The following TMEM266 variants were observed in gnomAD, a reference collection of about 807,000 sequenced individuals.
The protein encoded by TMEM266 is Hv1 related protein 1.
A neutral mutation model predicts 50.5 loss-of-function variants in TMEM266; 33 were observed. The ratio of observed to expected loss-of-function variants is 0.65; its 90% CI spans 0.50 to 0.87. The LOEUF (loss-of-function observed/expected upper bound fraction) is 0.87. Ranked by LOEUF, TMEM266 falls within the 40% of genes least tolerant of loss-of-function variation. The probability of loss-of-function intolerance (pLI) is 0.00; values close to 1 mark genes in which losing one functional copy is unlikely to be tolerated. For synonymous variants in TMEM266, 310 were observed against 292.3 expected (o/e 1.06, Z -0.62); for missense variants, 655 against 695.1 (o/e 0.94, Z 0.65).
chr15:76,180,579 C>T (rs1028125909), intron 8 of TMEM266, among the ~76,000 whole-genome samples: 2 of 138,634 alleles, frequency 1.4e-5, no homozygotes, highest in African/African-American at 5.2e-5. Context: ...CTCCACTGCA[C>T]AGTTACTCTC....
chr15:76,130,356 G>A (rs1429262903), intron 1 of TMEM266, among the ~76,000 whole-genome samples: 2 of 151,112 alleles, frequency 1.3e-5, no homozygotes, highest in African/African-American at 4.9e-5. Flanking sequence ...TGGCCAACAT[G>A]GTGAAACCCC....
chr15:76,096,347 C>T (rs747518086), intron 1 of TMEM266, among the ~76,000 whole-genome samples: 10 of 152,056 alleles, frequency 6.6e-5, no homozygotes, highest in African/African-American at 2.4e-4. Flanking sequence ...ATCTTTATTT[C>T]TGCCTTAATT....
intron 1 of TMEM266, among the ~76,000 whole-genome samples, chr15:76,118,391 G>A (rs1376783971): frequency 1.3e-5 from 2 of 152,072 alleles, no homozygotes; most frequent in Non-Finnish European, 2.9e-5. Context: ...GTAAAACCCC[G>A]TCTCTACTAA....
At chr15:76,186,674 T>C (rs2038494725) in intron 8 of TMEM266, among the ~76,000 whole-genome samples, 1 of 152,338 alleles carries the variant, frequency 6.6e-6, no homozygotes, top group Middle Eastern at 3.4e-3. Context: ...GTCTCTGGCA[T>C]GGACTGCTGC....
At chr15:76,125,572 G>A (rs2037408481) in intron 1 of TMEM266, among the ~76,000 whole-genome samples, 1 of 151,938 alleles carries the variant, frequency 6.6e-6, no homozygotes, top group African/African-American at 2.4e-5. Flanking sequence ...ATGGGGCTGG[G>A]CATGGTGGCT....
rs2037993694 is a variant in TMEM266 at position 76,160,080 on chromosome 15, T to C, written c.383-15T>C. ...TCCTCACTCCTAAAATTGGTCCTTA[T>C]CGTGTCCATTGCAGTTTCCAGCGCA... On this transcript the variant is annotated splice_polypyrimidine_tract_variant and intron_variant, in intron 4 of 10. Transcript: ENST00000388942. This position sits in a 1 kb window ranked among gnomAD's most constrained non-coding sequence, Gnocchi z 5.7. The C allele has an allele frequency of 6.2e-7, 1 of 1,613,624 alleles. No homozygotes were observed. The highest frequency in any genetic ancestry group is 1.3e-5 in the African/African-American group (1 of 75,050).
intron 1 of TMEM266, among the ~76,000 whole-genome samples, chr15:76,126,222 C>G (rs1011159884): frequency 6.6e-6 from 1 of 151,600 alleles, no homozygotes; most frequent in Non-Finnish European, 1.5e-5. Flanking sequence ...GATTTCCTTT[C>G]CTTTCAAAGG....
chr15:76,110,142 G>A (rs561439716), intron 1 of TMEM266, among the ~76,000 whole-genome samples: 5 of 151,894 alleles, frequency 3.3e-5, no homozygotes, highest in Non-Finnish European at 7.4e-5. Flanking sequence ...TGGGATTACA[G>A]GTGCACGCCA....
At chr15:76,159,158 T>C (rs2037975003) in intron 4 of TMEM266, among the ~76,000 whole-genome samples, 3 of 152,120 alleles carry the variant, frequency 2.0e-5, no homozygotes, top group Non-Finnish European at 2.9e-5. Flanking sequence ...ATCCCACCAG[T>C]ATTTCTTTTA....
chr15:76,074,292 A>G (rs868865414), intron 1 of TMEM266, among the ~76,000 whole-genome samples: 2 of 152,152 alleles, frequency 1.3e-5, no homozygotes, highest in Middle Eastern at 3.4e-3. Flanking sequence ...ATAACTTGCA[A>G]TTTACAGTTT....
chr15:76,123,345 T>C (rs2142020831), intron 1 of TMEM266, among the ~76,000 whole-genome samples: 1 of 152,340 alleles, frequency 6.6e-6, no homozygotes, highest in Non-Finnish European at 1.5e-5. Flanking sequence ...CTTCTCCTCC[T>C]GAGGGTGTGG....
intron 3 of TMEM266, among the ~76,000 whole-genome samples, chr15:76,148,314 T>C (rs1050130455): frequency 6.6e-6 from 1 of 152,168 alleles, no homozygotes; most frequent in African/African-American, 2.4e-5. Flanking sequence ...ACCCAGGATT[T>C]GCCAAACCAC....
intron 9 of TMEM266, among the ~76,000 whole-genome samples, chr15:76,195,952 CCT>C (rs1412090507): frequency 6.6e-6 from 1 of 152,222 alleles, no homozygotes; most frequent in Non-Finnish European, 1.5e-5. Flanking sequence ...TCCTGCTCCT[CCT>C]CTCTCTGCAG....
intron 3 of TMEM266, among the ~76,000 whole-genome samples, chr15:76,155,636 A>T (rs939629827): frequency 1.3e-5 from 2 of 152,202 alleles, no homozygotes; most frequent in Non-Finnish European, 2.9e-5. Flanking sequence ...ATAAGAGCAT[A>T]TTGAAGGCCC....
chr15:76,114,631 A>G (rs1187201224), intron 1 of TMEM266, among the ~76,000 whole-genome samples: 3 of 152,244 alleles, frequency 2.0e-5, no homozygotes, highest in African/African-American at 7.2e-5. Context: ...AAATTACTGT[A>G]TAGTGGACAT....
At chr15:76,062,963 T>C (rs1254041282) in intron 1 of TMEM266, among the ~76,000 whole-genome samples, 3 of 152,218 alleles carry the variant, frequency 2.0e-5, no homozygotes, top group African/African-American at 7.2e-5. Context: ...TTTTAGTACA[T>C]TGTTGAATAA....
intron 8 of TMEM266, among the ~76,000 whole-genome samples, chr15:76,186,566 C>T (rs1386973829): frequency 2.6e-5 from 4 of 152,314 alleles, no homozygotes; most frequent in Admixed American, 1.3e-4. Flanking sequence ...TCTCCCTCAC[C>T]GCCATTCCAG....
intron 7 of TMEM266, among the ~76,000 whole-genome samples, chr15:76,171,929 G>T (rs2038194936): frequency 1.3e-5 from 2 of 152,172 alleles, no homozygotes; most frequent in African/African-American, 2.4e-5. Context: ...TGGGGGTGGG[G>T]GGTGACCCAG....
chr15:76,128,388 G>A (rs962450076), intron 1 of TMEM266, among the ~76,000 whole-genome samples: 2 of 152,132 alleles, frequency 1.3e-5, no homozygotes, highest in African/African-American at 4.8e-5. Flanking sequence ...GGCAGATCTC[G>A]CTGGAACACA....
Sources: gnomAD v4.1 joint callset for allele counts (sites outside exome capture counted in the v4.1 genomes callset) on GRCh38, gnomAD v4.1.1 for gene constraint, Gnocchi (gnomAD v3.1) non-coding constraint, MANE v1.5 for transcripts, NCBI Gene and HGNC (gene_info 2026-07-23, HGNC 2026-07-21) for gene names.